Variants in VPS41 observed in about 807,000 individuals in gnomAD.
The protein encoded by VPS41 is VPS41 subunit of HOPS complex.
VPS41 carries 85 observed loss-of-function variants against 130.9 expected under a neutral mutation model. The ratio of observed to expected loss-of-function variants is 0.65; its 90% CI spans 0.55 to 0.78. The LOEUF (loss-of-function observed/expected upper bound fraction) is 0.78, where lower values mean the gene tolerates loss of function less well. Ranked by LOEUF, VPS41 falls within the 30% of genes least tolerant of loss-of-function variation. The pLI, the probability that VPS41 is intolerant of heterozygous loss-of-function variation, is 0.00. For missense variants in VPS41, 874 were observed against 1,018.7 expected (o/e 0.86, Z 1.93); for synonymous variants, 335 against 332.9 (o/e 1.01, Z -0.07).
intron 4 of VPS41, among the ~76,000 whole-genome samples, chr7:38,848,383 T>C (rs1584425857): frequency 6.6e-6 from 1 of 152,304 alleles, no homozygotes; most frequent in Non-Finnish European, 1.5e-5. Context: ...TCGCAGAAGC[T>C]TCTCTTTTTT....
chr7:38,859,754 T>C (rs1227088602), intron 4 of VPS41, among the ~76,000 whole-genome samples: 1 of 152,198 alleles, frequency 6.6e-6, no homozygotes, highest in Non-Finnish European at 1.5e-5. Context: ...AAACGACGCA[T>C]GATTATACTA....
chr7:38,743,293 C>T (rs1468129943), intron 24 of VPS41, 109 bp downstream of exon 24: 10 of 1,241,488 alleles, frequency 8.1e-6, no homozygotes, highest in Middle Eastern at 2.1e-4. Context: ...ATTGTAGGTA[C>T]GCTACCATTT....
At position 38,879,529 on chromosome 7, in the gene VPS41, G is replaced by A. The variant is rs1786556914; in HGVS notation, c.61-10276C>T. Among the ~76,000 whole-genome samples, 4 of 152,208 alleles carry A rather than the reference G, an allele frequency of 2.6e-5. No individual in the cohort carries two copies. The South Asian group carries it at 8.3e-4, about 32-fold the overall frequency. ...AAAAAAAATCCAGAAGCTGCTGTAA[G>A]ACAGTGGTCCCCAACCTTTTTGGCA... On this transcript the variant is annotated intron_variant, in intron 2 of 28. Coordinates refer to ENST00000310301, the MANE Select transcript of VPS41 (RefSeq NM_014396.4).
chr7:38,789,890 A>G, intron 9 of VPS41, 23 bp from the exon 10 acceptor site: 1 of 1,612,008 alleles, frequency 6.2e-7, no homozygotes, highest in Non-Finnish European at 8.5e-7. Context: ...TTCGCAGGTT[A>G]TTTTATTCAT....
At chr7:38,826,254 A>G (rs980653329) in intron 5 of VPS41, among the ~76,000 whole-genome samples, 1 of 152,238 alleles carries the variant, frequency 6.6e-6, no homozygotes, top group African/African-American at 2.4e-5. Context: ...AACAAGGGCA[A>G]GTTAGACATT....
At chr7:38,816,820 A>C (rs899685961) in intron 7 of VPS41, among the ~76,000 whole-genome samples, 1 of 152,164 alleles carries the variant, frequency 6.6e-6, no homozygotes, top group South Asian at 2.1e-4. Flanking sequence ...ATTATAGCTC[A>C]CTGCAACCTC....
chr7:38,731,353 T>C (rs1454862436), intron 25 of VPS41, among the ~76,000 whole-genome samples: 3 of 152,220 alleles, frequency 2.0e-5, no homozygotes, highest in Non-Finnish European at 2.9e-5. Context: ...GGATTCCTAG[T>C]AGCAACTCCA....
rs191347797 is a variant in VPS41, at chr7:38,867,912, T to C, written c.168+1234A>G. 6.1e-4 allele frequency among the ~76,000 whole-genome samples: 92 copies of C among 151,978 alleles called. No individual in the cohort carries two copies. The East Asian group carries it at 0.016, about 26-fold the overall frequency. ...AACTGAAGATGCTGGTAAGATAGAG[T>C]TAGGATAATCAATCATTTCATAGAC... On this transcript the variant is annotated intron_variant, in intron 3 of 28. Coordinates refer to ENST00000310301, the MANE Select transcript of VPS41 (RefSeq NM_014396.4).
chr7:38,764,247 G>T (rs1783981644), intron 16 of VPS41, among the ~76,000 whole-genome samples: 1 of 152,140 alleles, frequency 6.6e-6, no homozygotes, highest in Non-Finnish European at 1.5e-5. Flanking sequence ...TAAAGCCCTG[G>T]GTTTCTCAGG....
intron 5 of VPS41, among the ~76,000 whole-genome samples, chr7:38,827,618 G>A (rs145897199): frequency 6.6e-6 from 1 of 152,178 alleles, no homozygotes; most frequent in Non-Finnish European, 1.5e-5. Context: ...AAGATGGGGA[G>A]AGGGAGGCAC....
rs57368681 is a variant in VPS41 at position 38,853,418 on chromosome 7, CAAAAAAAAAA to C, written c.246+9117_246+9126del. On this transcript the variant is annotated intron_variant, in intron 4 of 28. Transcript: ENST00000310301. ...TGGGCGACAGAGCGAGACTCCTTCT[CAAAAAAAAAA>C]AAAAAAAAAAAAAGTATCACTGTCT... Among the ~76,000 whole-genome samples the C allele has an allele frequency of 3.8e-5, 3 of 78,924 alleles. 1 individual carries two copies. Among genetic ancestry groups the C allele is most frequent in the East Asian group, 4.2e-4 (1 of 2,356 alleles). 51.8% of individuals were successfully genotyped at this position (78,924 alleles called of 152,430 possible). A position where few individuals can be genotyped will look rare whatever the true frequency, so the allele number is the denominator to read the frequency against.
chr7:38,779,300 C>T (rs1163090224), intron 10 of VPS41, among the ~76,000 whole-genome samples: 1 of 152,138 alleles, frequency 6.6e-6, no homozygotes, highest in Non-Finnish European at 1.5e-5. Context: ...AAGTAATCAA[C>T]ATTTGGATAA....
intron 4 of VPS41, among the ~76,000 whole-genome samples, chr7:38,836,827 A>G (rs1785505056): frequency 6.6e-6 from 1 of 152,232 alleles, no homozygotes; most frequent in South Asian, 2.1e-4. Flanking sequence ...ACAAAAAAGG[A>G]TACTCTACTC....
At chr7:38,908,361 C>T (rs6973844) in intron 1 of VPS41, among the ~76,000 whole-genome samples, 30,598 of 152,092 alleles carry the variant, frequency 0.2, 4,147 homozygotes, top group Non-Finnish European at 0.3. Context: ...TGTGTGATTA[C>T]CACTACTGCT....
rs1393094695 is a variant in VPS41, at chr7:38,901,842, G to A, written c.22-3713C>T. On this transcript the variant is annotated intron_variant, in intron 1 of 28. Transcript: ENST00000310301. ...AGGCCAGGGAATTTGAGACCAGTGT[G>A]GGCAACACAGAAAGATCCTGTCTCT... Among the ~76,000 whole-genome samples, 3 of 152,032 alleles carry A rather than the reference G, an allele frequency of 2.0e-5. No homozygotes were observed. The East Asian group carries it at 5.8e-4, about 29-fold the overall frequency.
intron 2 of VPS41, among the ~76,000 whole-genome samples, chr7:38,883,384 T>C (rs1448082370): frequency 6.6e-6 from 1 of 152,204 alleles, no homozygotes. Context: ...ACATCCAGCA[T>C]GACCCTACCT....
chr7:38,742,174 T>G lies in VPS41; in HGVS notation c.2123-53A>C. ...CATATAAGCAACATTATAATGCAAT[T>G]TTATTTGCACATAATTTGCATATAA... On this transcript the variant is annotated intron_variant, in intron 24 of 28. Transcript: ENST00000310301. 2.3e-5 allele frequency: 35 copies of G among 1,504,716 alleles called. No homozygotes were observed. The South Asian group carries it at 4.5e-4, about 19-fold the overall frequency. 93.2% of individuals were successfully genotyped at this position (1,504,716 alleles called of 1,614,324 possible).
chr7:38,896,481 T>C (rs1786995466), intron 2 of VPS41, among the ~76,000 whole-genome samples: 1 of 152,256 alleles, frequency 6.6e-6, no homozygotes, highest in African/African-American at 2.4e-5. Flanking sequence ...ACATATGGCC[T>C]AGGATGGCTT....
chr7:38,909,078 T>A, intron 1 of VPS41, 76 bp downstream of exon 1: 1 of 1,456,800 alleles, frequency 6.9e-7, no homozygotes, highest in Non-Finnish European at 9.4e-7. Context: ...CTCCACCCAC[T>A]CCACTCCACC....
Sources: allele counts gnomAD v4.1 joint callset (sites outside exome capture counted in the v4.1 genomes callset), GRCh38; gene constraint gnomAD v4.1.1; transcripts MANE v1.5; gene names NCBI Gene and HGNC (gene_info 2026-07-23, HGNC 2026-07-21).